NUP210L: variants seen among roughly 807,000 people sequenced by gnomAD.
NUP210L encodes nucleoporin 210 like.
NUP210L carries 74 observed loss-of-function variants against 208.5 expected under a neutral mutation model. That is an observed-to-expected ratio of 0.35 (90% CI 0.29 to 0.43). The LOEUF (loss-of-function observed/expected upper bound fraction) is 0.43, where lower values mean the gene tolerates loss of function less well. Among genes scored for constraint, NUP210L ranks in the 20% least tolerant of loss-of-function variants. The pLI is 1.00. For synonymous variants in NUP210L, 780 were observed against 816.9 expected (o/e 0.95, Z 0.77); for missense variants, 1,843 against 2,289.4 (o/e 0.81, Z 3.98).
chr1:154,060,509 C>T, intron 20 of NUP210L, 31 bp downstream of exon 20: 12 of 1,369,754 alleles, frequency 8.8e-6, no homozygotes, highest in Non-Finnish European at 1.2e-5. Flanking sequence ...TGGCCTGAGA[C>T]CATCAATCTG....
Position 154,000,860 on chromosome 1 carries a change from ACCCAACTTATCTTTCATAG to A in NUP210L, c.5363_5381del (p.Ala1788ValfsTer23). ...ATAGGAATCTCTGATGCTTACCTGCACCCAACTTATCTTTCATAGCCCTCACTACCACTGCCTCACTTTG... is the reference window on the plus strand; with the variant it reads ...ATAGGAATCTCTGATGCTTACCTGCACCCTCACTACCACTGCCTCACTTTG... On this transcript the variant is annotated frameshift_variant, in exon 37 of 40. Coordinates refer to ENST00000368559, the Ensembl canonical transcript of NUP210L. LOFTEE classifies it high-confidence loss of function. The A allele has an allele frequency of 6.2e-7, 1 of 1,613,302 alleles. No individual in the cohort carries two copies. Among genetic ancestry groups the A allele is most frequent in the South Asian group, 1.1e-5 (1 of 91,080 alleles).
chr1:154,124,143 C>T (rs550045111), intron 10 of NUP210L, among the ~76,000 whole-genome samples: 8 of 148,248 alleles, frequency 5.4e-5, no homozygotes, highest in African/African-American at 7.5e-5. Context: ...GCTGAGATCG[C>T]GCCACTGCGC....
chr1:154,052,352 T>C (rs969979630), intron 25 of NUP210L, among the ~76,000 whole-genome samples: 2 of 152,196 alleles, frequency 1.3e-5, no homozygotes, highest in African/African-American at 2.4e-5. Flanking sequence ...GAGGATCCCC[T>C]GGTTGCAGCC....
chr1:154,032,907 C>T (rs988152729), intron 27 of NUP210L, among the ~76,000 whole-genome samples: 2 of 148,786 alleles, frequency 1.3e-5, no homozygotes, highest in African/African-American at 5.0e-5. Flanking sequence ...CACTGCACTC[C>T]AGCCTGGGCG....
At chr1:154,130,415 G>GGC (rs760573790) in intron 7 of NUP210L, among the ~76,000 whole-genome samples, 3 of 151,796 alleles carry the variant, frequency 2.0e-5, no homozygotes, top group African/African-American at 4.8e-5. Context: ...TGGGACTATA[G>GGC]GCGCGCACCA....
At chr1:154,085,942 T>C (rs1655601070) in intron 16 of NUP210L, among the ~76,000 whole-genome samples, 1 of 152,084 alleles carries the variant, frequency 6.6e-6, no homozygotes, top group Non-Finnish European at 1.5e-5. Flanking sequence ...CTGGGCACAG[T>C]GGCTCATGCC....
chr1:154,025,983 G>A (rs577976561), intron 29 of NUP210L, among the ~76,000 whole-genome samples: 6 of 152,094 alleles, frequency 3.9e-5, no homozygotes, highest in African/African-American at 1.4e-4. Flanking sequence ...AGCACTGTGG[G>A]AGGCCAAGGC....
exon 36 of NUP210L, chr1:154,001,916 T>C: frequency 1.9e-6 from 3 of 1,614,064 alleles, no homozygotes; most frequent in Non-Finnish European, 2.5e-6. Context: ...GACTGAGGTG[T>C]CAGCCACACT....
At chr1:154,054,528 C>G in intron 24 of NUP210L, 121 bp from the exon 25 acceptor site, 1 of 905,594 alleles carries the variant, frequency 1.1e-6, no homozygotes, top group Non-Finnish European at 1.7e-6. Context: ...AACAACATAT[C>G]CCATATCAAC....
intron 25 of NUP210L, among the ~76,000 whole-genome samples, chr1:154,051,481 C>T (rs924112241): frequency 1.6e-4 from 25 of 152,098 alleles, no homozygotes; most frequent in African/African-American, 4.8e-4. Flanking sequence ...CCCAAAGTGC[C>T]GGGATTACAG....
chr1:153,999,759 G>T (rs1281820516), intron 37 of NUP210L, among the ~76,000 whole-genome samples: 3 of 141,790 alleles, frequency 2.1e-5, no homozygotes, highest in Non-Finnish European at 3.1e-5. Flanking sequence ...AAAAAAAAAG[G>T]TTTAAAATAG....
intron 35 of NUP210L, among the ~76,000 whole-genome samples, chr1:154,006,539 G>T (rs1327080817): frequency 1.3e-5 from 2 of 151,604 alleles, no homozygotes; most frequent in Non-Finnish European, 2.9e-5. Context: ...TACCGCCCAG[G>T]CTGGAGTGAA....
intron 27 of NUP210L, among the ~76,000 whole-genome samples, chr1:154,034,726 T>G (rs1652434751): frequency 6.6e-6 from 1 of 152,178 alleles, no homozygotes; most frequent in South Asian, 2.1e-4. Context: ...CTTGGTAGAT[T>G]GTATGTATCT....
intron 1 of NUP210L, among the ~76,000 whole-genome samples, chr1:154,154,375 T>A (rs1424445622): frequency 6.6e-6 from 1 of 152,208 alleles, no homozygotes; most frequent in Non-Finnish European, 1.5e-5. Flanking sequence ...CCTTCTCACA[T>A]TGAATAGCTC....
At chr1:154,154,927 T>TAAA (rs1284229886) in exon 1 of NUP210L, 1 of 1,614,228 alleles carries the variant, frequency 6.2e-7, no homozygotes, top group Admixed American at 1.7e-5. Flanking sequence ...TGTGGCACGT[T>TAAA]AAGTTTGTTG....
At chr1:154,061,030 G>A (rs780164412) in exon 19 of NUP210L, 5 of 1,611,408 alleles carry the variant, frequency 3.1e-6, no homozygotes, top group African/African-American at 1.3e-5. Context: ...TACAGATCTG[G>A]GCAAGTTGGA....
intron 16 of NUP210L, among the ~76,000 whole-genome samples, chr1:154,072,098 G>A (rs980686751): frequency 6.6e-6 from 1 of 151,946 alleles, no homozygotes; most frequent in Admixed American, 6.6e-5. Flanking sequence ...ATGTGTGCAA[G>A]TATCTTTTTC....
At chr1:154,140,838 A>AC (rs1658820349) in intron 4 of NUP210L, among the ~76,000 whole-genome samples, 1 of 150,108 alleles carries the variant, frequency 6.7e-6, no homozygotes, top group Non-Finnish European at 1.5e-5. Flanking sequence ...AACAACAACA[A>AC]AAAAAATTAG....
At chr1:154,107,379 C>A (rs1193440540) in intron 12 of NUP210L, among the ~76,000 whole-genome samples, 1 of 150,334 alleles carries the variant, frequency 6.7e-6, no homozygotes, top group Non-Finnish European at 1.5e-5. Context: ...GAGGCTGAGG[C>A]AGGAGAATGG....
Sources: allele counts gnomAD v4.1 joint callset (sites outside exome capture counted in the v4.1 genomes callset), GRCh38; gene constraint gnomAD v4.1.1; transcripts MANE v1.5; gene names NCBI Gene and HGNC (gene_info 2026-07-23, HGNC 2026-07-21).